ZNF385D: variants seen among roughly 807,000 people sequenced by gnomAD.
ZNF385D encodes zinc finger protein 385D.
A neutral mutation model predicts 35.8 loss-of-function variants in ZNF385D; 15 were observed. The ratio of observed to expected loss-of-function variants is 0.42; its 90% confidence interval spans 0.28 to 0.64. The LOEUF is 0.64. Among genes scored for constraint, ZNF385D ranks in the 30% least tolerant of loss-of-function variants. ZNF385D has a pLI of 0.23. For synonymous variants in ZNF385D, 212 were observed against 186.8 expected, an observed-to-expected ratio of 1.13 and a Z score of -1.10; for missense variants, 474 against 494.6, an observed-to-expected ratio of 0.96 and a Z score of 0.39.
chr3:21,923,784 C>T (rs996953997), intron 3 of ZNF385D, among the ~76,000 whole-genome samples: 1 of 152,060 alleles, frequency 6.6e-6, no homozygotes, highest in African/African-American at 2.4e-5. Context: ...TAAGTTCTCA[C>T]CTATAAGTGG....
chr3:21,591,041 ATT>A (rs2063961732), intron 2 of ZNF385D, among the ~76,000 whole-genome samples: 2 of 151,934 alleles, frequency 1.3e-5, no homozygotes, highest in Non-Finnish European at 2.9e-5. Context: ...CAAAAAAAAA[ATT>A]AAAAATGAGC....
In ZNF385D at chr3:22,222,599, T is replaced by C. The variant is rs148514237; in HGVS notation, c.107-53564A>G. On this transcript the variant is annotated intron_variant, in intron 2 of 5. Coordinates refer to the ZNF385D transcript ENST00000494108. ...AACAGGAACTAGCAGGACAATGGACTAGCTATACGACTGTGGGGAAGCTAC... is the reference window on the plus strand; with the variant it reads ...AACAGGAACTAGCAGGACAATGGACCAGCTATACGACTGTGGGGAAGCTAC... Among the ~76,000 whole-genome samples the C allele has an allele frequency of 1.3e-3, 196 of 152,288 alleles. 1 individual carries two copies. Among genetic ancestry groups the C allele is most frequent in the African/African-American group, 4.4e-3 (183 of 41,574 alleles).
At chr3:21,752,515 T>A (rs898584025), upstream of ZNF385D, among the ~76,000 whole-genome samples, 1 of 152,226 alleles carries the variant, frequency 6.6e-6, no homozygotes, top group African/African-American at 2.4e-5. Flanking sequence ...AAGCTCATAA[T>A]AACGGCTTTC....
chr3:21,874,312 T>G (rs1697849980), intron 3 of ZNF385D, among the ~76,000 whole-genome samples: 1 of 152,134 alleles, frequency 6.6e-6, no homozygotes, highest in Admixed American at 6.6e-5. Flanking sequence ...GGAAAAATGT[T>G]TAATCAAATC....
chr3:21,648,136 T>C (rs2335812), intron 2 of ZNF385D, among the ~76,000 whole-genome samples: 110,971 of 151,978 alleles, frequency 0.73, 40,824 homozygotes, highest in Admixed American at 0.78. Context: ...CCCAATAATC[T>C]GCACGTGTCA....
intron 3 of ZNF385D, among the ~76,000 whole-genome samples, chr3:21,869,678 T>C (rs1697581152): frequency 6.6e-6 from 1 of 152,178 alleles, no homozygotes; most frequent in African/African-American, 2.4e-5. Context: ...AGTTAGCTTT[T>C]ACTGCAACAT....
chr3:22,122,256 C>A (rs1703128488), intron 3 of ZNF385D, among the ~76,000 whole-genome samples: 1 of 152,102 alleles, frequency 6.6e-6, no homozygotes, highest in East Asian at 1.9e-4. Flanking sequence ...TTGAAGCTTG[C>A]AAGTGACAAG....
chr3:22,171,166 C>G (rs1375352984), intron 2 of ZNF385D, among the ~76,000 whole-genome samples: 1 of 152,140 alleles, frequency 6.6e-6, no homozygotes, highest in African/African-American at 2.4e-5. Context: ...CTTATTTCCT[C>G]CAGCGTGAAC....
At chr3:21,466,635 G>C (rs1330068845) in intron 4 of ZNF385D, among the ~76,000 whole-genome samples, 1 of 152,110 alleles carries the variant, frequency 6.6e-6, no homozygotes, top group Non-Finnish European at 1.5e-5. Flanking sequence ...TGGTAATGTA[G>C]TCATCTTGTT....
chr3:21,948,371 A>G (rs1262534595), intron 3 of ZNF385D, among the ~76,000 whole-genome samples: 2 of 149,016 alleles, frequency 1.3e-5, no homozygotes, highest in Non-Finnish European at 2.9e-5. Context: ...TTTAGGAGGC[A>G]GGTTTTTCTT....
chr3:21,517,382 C>G (rs187317643), intron 3 of ZNF385D, among the ~76,000 whole-genome samples: 82 of 152,216 alleles, frequency 5.4e-4, no homozygotes, highest in African/African-American at 1.8e-3. Flanking sequence ...TGCAGACTCC[C>G]TGCTGGTGAG....
intron 2 of ZNF385D, among the ~76,000 whole-genome samples, chr3:22,246,449 C>G (rs1699787856): frequency 6.6e-6 from 1 of 152,048 alleles, no homozygotes; most frequent in Non-Finnish European, 1.5e-5. Context: ...AAAAAAGAAA[C>G]AGGAACACTT....
intron 3 of ZNF385D, among the ~76,000 whole-genome samples, chr3:22,091,558 C>T (rs1282728118): frequency 1.3e-5 from 2 of 151,384 alleles, no homozygotes. Context: ...CATGAGTAGC[C>T]TGCCAGAGTT....
At chr3:22,200,240 C>T (rs1696692124) in intron 2 of ZNF385D, among the ~76,000 whole-genome samples, 1 of 151,968 alleles carries the variant, frequency 6.6e-6, no homozygotes, top group Non-Finnish European at 1.5e-5. Context: ...GGAACATGCC[C>T]CGATAGTCAT....
chr3:21,558,650 G>C (rs897454833), intron 3 of ZNF385D, among the ~76,000 whole-genome samples: 3 of 152,158 alleles, frequency 2.0e-5, no homozygotes, highest in African/African-American at 7.2e-5. Context: ...GGAGAGTTCT[G>C]TAGATGTCTA....
chr3:21,850,855 A>T (rs75783007), intron 3 of ZNF385D, among the ~76,000 whole-genome samples: 5,835 of 152,168 alleles, frequency 0.038, 386 homozygotes, highest in African/African-American at 0.13. Flanking sequence ...ATTACAGAAC[A>T]GATCCACAAC....
In ZNF385D at chr3:21,773,083, A is replaced by AT. The variant is rs571969026; in HGVS notation, c.326-108056dup. Reference sequence around the variant, plus strand: ...AATGGGGAGATCTTATTTAATGGGGATTTTATTTCAGTTTTACAAGATGAA... The same window carrying AT: ...AATGGGGAGATCTTATTTAATGGGGATTTTTATTTCAGTTTTACAAGATGAA... On this transcript the variant is annotated intron_variant, in intron 3 of 5. Transcript: ENST00000494108. 6.6e-5 allele frequency among the ~76,000 whole-genome samples: 10 copies of AT among 151,830 alleles called. No homozygotes were observed. In the South Asian group the frequency reaches 2.1e-3, roughly 32 times the overall value.
intron 3 of ZNF385D, among the ~76,000 whole-genome samples, chr3:21,902,806 C>G (rs1699477736): frequency 1.3e-5 from 2 of 152,082 alleles, no homozygotes; most frequent in Non-Finnish European, 2.9e-5. Flanking sequence ...TGTAACTAAC[C>G]TGCACATTGT....
intron 2 of ZNF385D, among the ~76,000 whole-genome samples, chr3:22,332,002 T>C (rs1694956784): frequency 6.6e-6 from 1 of 152,174 alleles, no homozygotes; most frequent in South Asian, 2.1e-4. Context: ...TCAAGTAATA[T>C]AGAAGAATAG....
Sources: allele counts gnomAD v4.1 joint callset (sites outside exome capture counted in the v4.1 genomes callset), GRCh38; gene constraint gnomAD v4.1.1; transcripts MANE v1.5; gene names NCBI Gene and HGNC (gene_info 2026-07-23, HGNC 2026-07-21).